NPIPB2: variants seen among roughly 807,000 people sequenced by gnomAD.
NPIPB2 encodes the protein nuclear pore complex interacting protein family member B2.
NPIPB2 carries 27 observed loss-of-function variants against 30.8 expected under a neutral mutation model. That is an observed-to-expected ratio of 0.88 (90% confidence interval 0.65 to 1.21). The LOEUF (loss-of-function observed/expected upper bound fraction) is 1.21. Among genes scored for constraint, NPIPB2 ranks in the 50% most tolerant of loss-of-function variants. The probability of loss-of-function intolerance (pLI) is 0.00; values close to 1 mark genes in which losing one functional copy is unlikely to be tolerated. For missense variants in NPIPB2, 440 were observed against 446.2 expected, an observed-to-expected ratio of 0.99 and a Z score of 0.13; for synonymous variants, 147 against 162.0, an observed-to-expected ratio of 0.91 and a Z score of 0.70.
chr16:11,965,905 T>C (rs756393060), intron 1 of NPIPB2, among the ~76,000 whole-genome samples: 5 of 152,064 alleles, frequency 3.3e-5, no homozygotes, highest in African/African-American at 4.8e-5. Context: ...AGGTCGGCAG[T>C]TTGAGGCCAG....
intron 1 of NPIPB2, chr16:11,968,080 T>C (rs1039816187): frequency 2.6e-5 from 13 of 506,336 alleles, no homozygotes; most frequent in East Asian, 7.2e-5. Flanking sequence ...ATCTAAGTTT[T>C]TATTAACGTG....
At chr16:11,958,116 G>A (rs1327783210) in intron 1 of NPIPB2, among the ~76,000 whole-genome samples, 2 of 152,040 alleles carry the variant, frequency 1.3e-5, no homozygotes, top group East Asian at 1.9e-4. Context: ...TACTTAACTT[G>A]TGGGGCCCAG....
chr16:11,932,766 A>G (rs1156458150), intron 4 of NPIPB2, among the ~76,000 whole-genome samples: 1 of 83,642 alleles, frequency 1.2e-5, no homozygotes, highest in African/African-American at 4.7e-5. Flanking sequence ...ACAGAGTGAG[A>G]CTCTGTCTCA....
chr16:11,974,911 A>C (rs138702711), intron 1 of NPIPB2, among the ~76,000 whole-genome samples: 2,056 of 151,644 alleles, frequency 0.014, 62 homozygotes, highest in East Asian at 0.1. Context: ...GTCTCTACTA[A>C]AAAAATACAA....
chr16:11,956,661 G>C (rs2055115303), intron 1 of NPIPB2, among the ~76,000 whole-genome samples: 1 of 152,224 alleles, frequency 6.6e-6, no homozygotes. Context: ...GGGGAACACA[G>C]TGAGACTCTG....
rs1477972670 is a variant in NPIPB2, at chr16:11,930,528, T to C, written c.512A>G (p.Glu171Gly). ...CACCTGCCTCTCCTTTTCTGCATGCTCACATTCTTTCACGCTTAGTTTCCT... is the reference window on the plus strand; with the variant it reads ...CACCTGCCTCTCCTTTTCTGCATGCCCACATTCTTTCACGCTTAGTTTCCT... Residue 171 changes from glutamate (E) to glycine (G), a missense_variant, in exon 5 of 8, where the codon GAG becomes GGG. Coordinates refer to ENST00000399147, the Ensembl canonical transcript of NPIPB2. 6.9e-6 allele frequency: 11 copies of C among 1,586,998 alleles called. No homozygotes were observed. The East Asian group carries it at 2.5e-4, about 36-fold the overall frequency.
At chr16:11,952,322 TG>T (rs1300380365) in intron 1 of NPIPB2, among the ~76,000 whole-genome samples, 2 of 151,698 alleles carry the variant, frequency 1.3e-5, no homozygotes, top group African/African-American at 4.8e-5. Flanking sequence ...CACTCCAGCC[TG>T]GATGATAGAG....
At chr16:11,940,739 G>A (rs62040814) in intron 1 of NPIPB2, among the ~76,000 whole-genome samples, 26,169 of 123,088 alleles carry the variant, frequency 0.21, 2,938 homozygotes, top group Admixed American at 0.4. Context: ...CAGCCTGGGC[G>A]ACAGAGTGAG....
At chr16:11,955,031 C>T (rs941542415) in intron 1 of NPIPB2, among the ~76,000 whole-genome samples, 5 of 152,142 alleles carry the variant, frequency 3.3e-5, no homozygotes, top group Admixed American at 1.3e-4. Flanking sequence ...CACGTACCTA[C>T]ATCTGCCTCT....
intron 1 of NPIPB2, among the ~76,000 whole-genome samples, chr16:11,955,913 A>G (rs933050818): frequency 6.7e-6 from 1 of 149,684 alleles, no homozygotes; most frequent in Non-Finnish European, 1.5e-5. Context: ...ACAGGAAAAA[A>G]CCGGTCACCC....
chr16:11,938,291 C>T (rs927027757), intron 1 of NPIPB2, among the ~76,000 whole-genome samples: 5 of 152,086 alleles, frequency 3.3e-5, no homozygotes, highest in African/African-American at 1.2e-4. Flanking sequence ...GCTGGGATTA[C>T]AGGTGTGAGC....
intron 1 of NPIPB2, among the ~76,000 whole-genome samples, chr16:11,955,438 G>C (rs1272810187): frequency 2.0e-5 from 3 of 151,510 alleles, no homozygotes; most frequent in Non-Finnish European, 4.4e-5. Flanking sequence ...GGCCAGGCGT[G>C]GTGGCTCACG....
chr16:11,952,819 G>T (rs565840439), intron 1 of NPIPB2, among the ~76,000 whole-genome samples: 1 of 152,078 alleles, frequency 6.6e-6, no homozygotes, highest in African/African-American at 2.4e-5. Context: ...ACCCGCCTCG[G>T]CCTCCCAAAG....
intron 1 of NPIPB2, chr16:11,965,241 C>A: frequency 6.4e-7 from 1 of 1,559,180 alleles, no homozygotes; most frequent in Admixed American, 1.8e-5. Context: ...GCTCTTGCTG[C>A]ATTTGCTCTG....
intron 1 of NPIPB2, among the ~76,000 whole-genome samples, chr16:11,954,503 A>C (rs997809602): frequency 6.6e-5 from 10 of 151,854 alleles, no homozygotes; most frequent in Middle Eastern, 3.4e-3. Flanking sequence ...GAAAGAAAAA[A>C]AAGAATGTTA....
chr16:11,937,645 A>G (rs780867493), exon 2 of NPIPB2: 5 of 1,599,152 alleles, frequency 3.1e-6, no homozygotes, highest in Non-Finnish European at 4.2e-6. Flanking sequence ...CACGATGATG[A>G]TGGTCAGCCA....
intron 2 of NPIPB2, among the ~76,000 whole-genome samples, chr16:11,934,260 A>ACAC (rs1567465726): frequency 4.4e-5 from 6 of 137,646 alleles, no homozygotes; most frequent in Non-Finnish European, 6.5e-5. Context: ...ACACACACAT[A>ACAC]AGAATGACAT....
chr16:11,972,002 C>T (rs12927567), intron 1 of NPIPB2, among the ~76,000 whole-genome samples: 8,894 of 151,646 alleles, frequency 0.059, 465 homozygotes, highest in African/African-American at 0.14. Context: ...AAAAATTAGC[C>T]GGGTGTGGTG....
At chr16:11,946,843 C>T (rs2055015618), upstream of NPIPB2, among the ~76,000 whole-genome samples, 1 of 151,790 alleles carries the variant, frequency 6.6e-6, no homozygotes, top group Non-Finnish European at 1.5e-5. Flanking sequence ...AACTCGCCTC[C>T]TGAGTAGCTG....
Sources: gnomAD v4.1 joint callset for allele counts (sites outside exome capture counted in the v4.1 genomes callset) on GRCh38, gnomAD v4.1.1 for gene constraint, MANE v1.5 for transcripts, NCBI Gene and HGNC (gene_info 2026-07-23, HGNC 2026-07-21) for gene names.